The following SYNJ2 variants were observed in gnomAD, a reference collection of about 807,000 sequenced individuals.
SYNJ2 encodes the protein synaptojanin 2.
SYNJ2 carries 116 observed loss-of-function variants against 141.3 expected under a neutral mutation model. The ratio of observed to expected loss-of-function variants is 0.82; its 90% CI spans 0.71 to 0.96. The LOEUF (loss-of-function observed/expected upper bound fraction) is 0.96, where lower values mean the gene tolerates loss of function less well. Among genes scored for constraint, SYNJ2 ranks in the 40% least tolerant of loss-of-function variants. The pLI is 0.00. For missense variants in SYNJ2, 1,873 were observed against 1,934.8 expected (o/e 0.97, Z 0.60); for synonymous variants, 745 against 777.7 (o/e 0.96, Z 0.70).
chr6:158,072,650 G>A (rs1331536783), intron 15 of SYNJ2, among the ~76,000 whole-genome samples: 1 of 151,928 alleles, frequency 6.6e-6, no homozygotes, highest in Non-Finnish European at 1.5e-5. Context: ...ATTAAGAAGT[G>A]CCATAATTCC....
intron 2 of SYNJ2, 114 bp from the exon 3 acceptor site, chr6:158,028,642 C>G: frequency 7.1e-7 from 1 of 1,408,394 alleles, no homozygotes. Flanking sequence ...GTTGCAGGTG[C>G]ACAGACGTTG....
intron 15 of SYNJ2, 132 bp from the exon 16 acceptor site, chr6:158,074,448 A>G (rs1782137677): frequency 2.2e-6 from 2 of 928,248 alleles, no homozygotes; most frequent in African/African-American, 3.3e-5. Flanking sequence ...ATGCTCTAGT[A>G]GAAAACTTTC....
intron 15 of SYNJ2, among the ~76,000 whole-genome samples, chr6:158,073,243 G>A (rs926095967): frequency 6.6e-6 from 1 of 151,926 alleles, no homozygotes; most frequent in South Asian, 2.1e-4. Flanking sequence ...TGCCACCCAG[G>A]CTGGAGTGCA....
At chr6:157,995,150 G>T (rs891673480) in intron 1 of SYNJ2, among the ~76,000 whole-genome samples, 3 of 152,198 alleles carry the variant, frequency 2.0e-5, no homozygotes, top group African/African-American at 7.2e-5. Context: ...ACTATATACA[G>T]GCAATGAGAA....
chr6:157,982,157 C>T lies in SYNJ2; in HGVS notation c.127+69C>T. 7.9e-7 allele frequency: 1 copy of T among 1,264,072 alleles called. No individual in the cohort carries two copies. The allele number at this position is 1,264,072 out of a possible 1,614,324, so 78.3% of individuals were successfully genotyped here. ...CCGCATTCGCCCAGCCTCGGGAAGA[C>T]GGGTACCCCCCCTTCCCGAGGGGAT... is the stretch of plus-strand genomic sequence containing the variant. On this transcript the variant is annotated intron_variant, in intron 1 of 26. Transcript: ENST00000355585. The surrounding 1 kb of genome is among the most constrained non-coding windows in gnomAD (Gnocchi z 4.0).
chr6:157,993,116 T>C (rs949786941), intron 1 of SYNJ2, among the ~76,000 whole-genome samples: 1 of 150,306 alleles, frequency 6.7e-6, no homozygotes, highest in Non-Finnish European at 1.5e-5. Context: ...ATATAACATA[T>C]ATAGTGGTTG....
chr6:158,069,446 A>G, intron 13 of SYNJ2, 87 bp from the exon 14 acceptor site: 4 of 1,496,184 alleles, frequency 2.7e-6, no homozygotes, highest in Non-Finnish European at 3.6e-6. Flanking sequence ...TGCAAACAGA[A>G]TAGGCTTGGG....
chr6:158,000,064 C>CTTTTTTTTTTTTTTTTTT (rs58284240), intron 1 of SYNJ2, among the ~76,000 whole-genome samples: 1 of 85,572 alleles, frequency 1.2e-5, no homozygotes, highest in Non-Finnish European at 2.4e-5. Context: ...AGCCAAAAGG[C>CTTTTTTTTTTTTTTTTTT]TTTTTTTTTT....
At chr6:158,029,921 C>A (rs377211131) in intron 3 of SYNJ2, among the ~76,000 whole-genome samples, 2 of 152,272 alleles carry the variant, frequency 1.3e-5, no homozygotes, top group East Asian at 1.9e-4. Flanking sequence ...TACTAAGTGG[C>A]AGAGCCAGGA....
At chr6:157,999,569 C>T (rs1180962211) in intron 1 of SYNJ2, among the ~76,000 whole-genome samples, 1 of 152,242 alleles carries the variant, frequency 6.6e-6, no homozygotes, top group Non-Finnish European at 1.5e-5. Flanking sequence ...GAGCCAAGCT[C>T]AGGGCTGCGA....
intron 26 of SYNJ2, 116 bp downstream of exon 26, chr6:158,093,220 G>A (rs1783581991): frequency 8.5e-7 from 1 of 1,183,092 alleles, no homozygotes; most frequent in Admixed American, 2.8e-5. Flanking sequence ...CGGATTACGA[G>A]GTCAGGAGTT....
intron 18 of SYNJ2, among the ~76,000 whole-genome samples, chr6:158,080,429 C>T (rs1229984336): frequency 2.0e-5 from 3 of 149,680 alleles, no homozygotes; most frequent in Admixed American, 6.7e-5. Context: ...GGGCTGAGAT[C>T]GCGCCACTGC....
Position 158,096,507 on chromosome 6 carries a change from C to G in SYNJ2, c.*143C>G, listed in dbSNP as rs1032716157. On this transcript the variant is annotated 3_prime_UTR_variant, in exon 27 of 27. Coordinates refer to ENST00000355585, the MANE Select transcript of SYNJ2 (RefSeq NM_003898.4). The stretch of plus-strand genomic sequence containing the variant: ...TCACTCTCGTGTAGTTTACAAAAAT[C>G]GTGTCTCTTATTCAGTAAGATGGTT... The G allele has an allele frequency of 5.2e-6, 5 of 953,590 alleles. No homozygotes were observed. The highest frequency in any genetic ancestry group is 7.5e-6 in the Non-Finnish European group (5 of 669,180). The allele number at this position is 953,590 out of a possible 1,614,324, so 59.1% of individuals were successfully genotyped here.
chr6:158,049,868 G>A lies in SYNJ2; in HGVS notation c.796-5099G>A, dbSNP rs1075630. 7.8e-3 allele frequency among the ~76,000 whole-genome samples: 1,193 copies of A among 152,044 alleles called. 20 individuals are homozygous for A. Among genetic ancestry groups the A allele is most frequent in the African/African-American group, 0.027 (1,125 of 41,502 alleles). ...GGTATGCACGCAGCTCTGCAGGTGG[G>A]GACATGGCTCTGCAGGTATGCCTGC... On this transcript the variant is annotated intron_variant, in intron 5 of 26. Coordinates refer to ENST00000355585, the MANE Select transcript of SYNJ2 (RefSeq NM_003898.4).
Position 158,071,514 on chromosome 6 carries a change from G to A in SYNJ2, c.1941-88G>A, listed in dbSNP as rs1781920773. 2.0e-5 allele frequency: 30 copies of A among 1,470,378 alleles called. No individual in the cohort carries two copies. The highest frequency in any genetic ancestry group is 3.9e-4 in the Middle Eastern group (2 of 5,194). 91.1% of individuals were successfully genotyped at this position (1,470,378 alleles called of 1,614,324 possible). A position where few individuals can be genotyped will look rare whatever the true frequency, so the allele number is the denominator to read the frequency against. Reference sequence around the variant, plus strand: ...TGGAGCACTCAGAGCAGCAGGTCCCGAGCTGCTGCTGGGCCCTTCTCTGTG... The same window carrying A: ...TGGAGCACTCAGAGCAGCAGGTCCCAAGCTGCTGCTGGGCCCTTCTCTGTG... On this transcript the variant is annotated intron_variant, in intron 14 of 26. Transcript: ENST00000355585. The surrounding 1 kb of genome is among the most constrained non-coding windows in gnomAD (Gnocchi z 4.3).
rs9456990 is a variant in SYNJ2, at chr6:158,028,243, G to A, written c.215-513G>A. 305 of 163,756 alleles carry A rather than the reference G, an allele frequency of 1.9e-3. 3 individuals carry two copies. Among genetic ancestry groups the A allele is most frequent in the African/African-American group, 7.0e-3 (293 of 41,686 alleles). The allele number at this position is 163,756 out of a possible 1,614,324, so 10.1% of individuals were successfully genotyped here. On this transcript the variant is annotated intron_variant, in intron 2 of 26. Coordinates refer to ENST00000355585, the MANE Select transcript of SYNJ2 (RefSeq NM_003898.4). Reference sequence around the variant, plus strand: ...GCTGTGCAAGAAGGAAGGGCGGAGCGGCTGTGATCCAATGACTTTGGGAAG... The same window carrying A: ...GCTGTGCAAGAAGGAAGGGCGGAGCAGCTGTGATCCAATGACTTTGGGAAG...
rs529549113 is a variant in SYNJ2, at chr6:157,988,148, G to A, written c.127+6060G>A. 1.5e-4 allele frequency among the ~76,000 whole-genome samples: 23 copies of A among 152,374 alleles called. No individual in the cohort carries two copies. In the East Asian group the frequency reaches 3.7e-3, roughly 24 times the overall value. Reference sequence around the variant, plus strand: ...AGGGCCTCAGGCAGACTGTGCAGCCGTATGTCCACCCCAGGCCCGGGCGTT... The same window carrying A: ...AGGGCCTCAGGCAGACTGTGCAGCCATATGTCCACCCCAGGCCCGGGCGTT... On this transcript the variant is annotated intron_variant, in intron 1 of 26. Transcript: ENST00000355585.
rs532115640 is a variant in SYNJ2 at position 157,984,392 on chromosome 6, A to G, written c.127+2304A>G. On this transcript the variant is annotated intron_variant, in intron 1 of 26. Transcript: ENST00000355585. ...TGTTTTACTTTCCTTTCTTGGAGAA[A>G]GTGATTATTTTTTTTCTTTTTTTTG... Among the ~76,000 whole-genome samples, 5 of 152,222 alleles carry G rather than the reference A, an allele frequency of 3.3e-5. No individual in the cohort carries two copies. The East Asian group carries it at 9.7e-4, about 29-fold the overall frequency.
chr6:158,096,256 A>G lies in SYNJ2; in HGVS notation c.4383A>G (p.Ala1461=). The change falls in exon 27 of 27, where the codon GCA becomes GCG. Residue 1461 remains alanine (A), a synonymous_variant. Coordinates refer to ENST00000355585, the MANE Select transcript of SYNJ2 (RefSeq NM_003898.4). ...CAGCTGGCGCTTCAGCTGCCAAGGC[A>G]GAGCTGCCACCAGATCATGAACACA... ...PVSAGASAAK[A]ELPPDHEHKT... The G allele has an allele frequency of 6.2e-7, 1 of 1,614,252 alleles. No individual in the cohort carries two copies. Among genetic ancestry groups the G allele is most frequent in the Non-Finnish European group, 8.5e-7 (1 of 1,180,040 alleles).
Sources: gnomAD v4.1 joint callset for allele counts (sites outside exome capture counted in the v4.1 genomes callset) on GRCh38, gnomAD v4.1.1 for gene constraint, Gnocchi (gnomAD v3.1) non-coding constraint, MANE v1.5 for transcripts, NCBI Gene and HGNC (gene_info 2026-07-23, HGNC 2026-07-21) for gene names.